The following GRM8 variants were observed in gnomAD, a reference collection of about 807,000 sequenced individuals.
The protein encoded by GRM8 is metabotropic glutamate receptor 8.
GRM8 carries 47 observed loss-of-function variants against 87.2 expected under a neutral mutation model. The observed-to-expected ratio is 0.54, with a 90% CI of 0.43 to 0.69. The LOEUF (loss-of-function observed/expected upper bound fraction) is 0.69, where lower values mean the gene tolerates loss of function less well. GRM8 is among the 30% of genes least tolerant of loss of function. GRM8 has a pLI of 0.00. For missense variants in GRM8, 1,019 were observed against 1,139.2 expected (o/e 0.89, Z 1.52); for synonymous variants, 396 against 404.5 (o/e 0.98, Z 0.25).
chr7:126,526,324 C>A (rs1008088466), intron 9 of GRM8, among the ~76,000 whole-genome samples: 26 of 152,138 alleles, frequency 1.7e-4, no homozygotes, highest in Admixed American at 1.6e-3. Context: ...TCACTGAAAT[C>A]TGAAAATATT....
At chr7:126,924,776 G>A (rs184229062) in intron 3 of GRM8, among the ~76,000 whole-genome samples, 3 of 152,208 alleles carry the variant, frequency 2.0e-5, no homozygotes, top group Admixed American at 1.3e-4. Flanking sequence ...GAGCCTCTCT[G>A]AGCTTATAAT....
intron 9 of GRM8, among the ~76,000 whole-genome samples, chr7:126,448,114 T>C (rs1393693607): frequency 1.3e-5 from 2 of 151,904 alleles, no homozygotes; most frequent in African/African-American, 2.4e-5. Context: ...AAAACCTACA[T>C]AGAAAATTGA....
At chr7:126,717,232 A>C (rs1354158979) in intron 7 of GRM8, among the ~76,000 whole-genome samples, 1 of 152,192 alleles carries the variant, frequency 6.6e-6, no homozygotes, top group Admixed American at 6.5e-5. Context: ...AAGAGAGAGA[A>C]AGTATGGACA....
intron 8 of GRM8, among the ~76,000 whole-genome samples, chr7:126,541,819 TA>T (rs1816575841): frequency 6.6e-6 from 1 of 152,026 alleles, no homozygotes; most frequent in African/African-American, 2.4e-5. Context: ...TTCTAATCAC[TA>T]AATACTTCGT....
chr7:126,710,081 A>G lies in GRM8; in HGVS notation c.1357+59784T>C, dbSNP rs758305766. 4.1e-4 allele frequency among the ~76,000 whole-genome samples: 62 copies of G among 152,228 alleles called. 1 individual carries two copies. Among genetic ancestry groups the G allele is most frequent in the Non-Finnish European group, 6.5e-4 (44 of 68,036 alleles). ...TTAGTTTTATACTCTATAATAGTCT[A>G]CTAAGTGTATAGCAGCATTATGTCT... is the stretch of plus-strand genomic sequence containing the variant. On this transcript the variant is annotated intron_variant, in intron 7 of 10. Coordinates refer to ENST00000339582, the MANE Select transcript of GRM8 (RefSeq NM_000845.3).
chr7:126,792,580 G>C (rs1204758607), intron 6 of GRM8, among the ~76,000 whole-genome samples: 1 of 152,138 alleles, frequency 6.6e-6, no homozygotes, highest in African/African-American at 2.4e-5. Flanking sequence ...TCTGAACTTG[G>C]TTGTCTCCCC....
chr7:127,228,672 A>C (rs551942304), intron 2 of GRM8: 1 of 152,318 alleles, frequency 6.6e-6, no homozygotes, highest in East Asian at 1.9e-4. Flanking sequence ...TTAAAAAAAA[A>C]ACTATTTAGT....
At chr7:126,861,574 AT>A (rs973836415) in intron 6 of GRM8, among the ~76,000 whole-genome samples, 6 of 149,368 alleles carry the variant, frequency 4.0e-5, no homozygotes, top group South Asian at 2.1e-4. Flanking sequence ...AGATATTTTC[AT>A]TTTTTTTTCT....
At chr7:127,239,290 C>A (rs1798154347) in intron 2 of GRM8, among the ~76,000 whole-genome samples, 1 of 152,178 alleles carries the variant, frequency 6.6e-6, no homozygotes, top group African/African-American at 2.4e-5. Flanking sequence ...ATTCTTAAAA[C>A]CCCAATTTAT....
intron 8 of GRM8, among the ~76,000 whole-genome samples, chr7:126,604,771 A>C (rs1382807047): frequency 6.6e-6 from 1 of 152,164 alleles, no homozygotes; most frequent in Non-Finnish European, 1.5e-5. Flanking sequence ...TTAGATGAGA[A>C]AACTGAGGCT....
chr7:126,605,302 G>A (rs1158931137), intron 8 of GRM8, among the ~76,000 whole-genome samples: 2 of 152,048 alleles, frequency 1.3e-5, no homozygotes, highest in African/African-American at 4.8e-5. Flanking sequence ...CCACTCTCAG[G>A]TAGACAATAC....
Position 127,132,246 on chromosome 7 carries a change from C to G in GRM8, c.511-25534G>C, listed in dbSNP as rs184530201. 7.3e-4 allele frequency among the ~76,000 whole-genome samples: 111 copies of G among 152,276 alleles called. 1 individual carries two copies. The highest frequency in any genetic ancestry group is 2.5e-3 in the African/African-American group (103 of 41,558). ...CACCCTTGTTCACTTTCAAAGTTGTCGGACAAATTTGAGATTCACACGCTA... is the reference window on the plus strand; with the variant it reads ...CACCCTTGTTCACTTTCAAAGTTGTGGGACAAATTTGAGATTCACACGCTA... On this transcript the variant is annotated intron_variant, in intron 2 of 10. Coordinates refer to ENST00000339582, the MANE Select transcript of GRM8 (RefSeq NM_000845.3).
Position 126,695,226 on chromosome 7 carries a change from C to T in GRM8, c.1357+74639G>A, listed in dbSNP as rs144561171. On this transcript the variant is annotated intron_variant, in intron 7 of 10. Transcript: ENST00000339582. ...TATTAAAACATTTTTAAAGGGAATT[C>T]TGTTATTATTATGAAGAAAATGAGA... 2.6e-5 allele frequency among the ~76,000 whole-genome samples: 4 copies of T among 152,184 alleles called. No homozygotes were observed. The South Asian group carries it at 8.3e-4, about 32-fold the overall frequency.
chr7:126,679,344 T>C (rs1475341767), intron 7 of GRM8, among the ~76,000 whole-genome samples: 2 of 152,230 alleles, frequency 1.3e-5, no homozygotes, highest in African/African-American at 4.8e-5. Flanking sequence ...AATTCATAAT[T>C]AAAAGCTAGA....
At chr7:126,970,090 T>C (rs1810266030) in intron 3 of GRM8, among the ~76,000 whole-genome samples, 1 of 152,136 alleles carries the variant, frequency 6.6e-6, no homozygotes. Flanking sequence ...CAAGTTTTAT[T>C]CTAATTATAG....
chr7:127,251,396 T>G (rs1798858566), intron 1 of GRM8, among the ~76,000 whole-genome samples: 1 of 152,140 alleles, frequency 6.6e-6, no homozygotes, highest in African/African-American at 2.4e-5. Context: ...GCTCAAGGGA[T>G]ATCCGAGCTT....
chr7:127,222,077 A>C lies in GRM8; in HGVS notation c.510+20618T>G, dbSNP rs573272881. ...CCCTTAATTTGCTTCTTAAATGGTG[A>C]AATCTCTTAAACAGAGAATGAGGGT... On this transcript the variant is annotated intron_variant, in intron 2 of 10. Coordinates refer to ENST00000339582, the MANE Select transcript of GRM8 (RefSeq NM_000845.3). 2.0e-5 allele frequency among the ~76,000 whole-genome samples: 3 copies of C among 152,350 alleles called. No individual in the cohort carries two copies. In the South Asian group the frequency reaches 6.2e-4, roughly 32 times the overall value.
chr7:126,848,166 G>A (rs1796879957), intron 6 of GRM8, among the ~76,000 whole-genome samples: 2 of 152,182 alleles, frequency 1.3e-5, no homozygotes, highest in African/African-American at 2.4e-5. Context: ...ATAAAGACGG[G>A]AAGAGGAACA....
intron 8 of GRM8, among the ~76,000 whole-genome samples, chr7:126,543,470 TG>T (rs1816770199): frequency 6.6e-6 from 1 of 152,216 alleles, no homozygotes; most frequent in South Asian, 2.1e-4. Context: ...TTTCCACCAC[TG>T]TGTTCCAGAT....
Sources: gnomAD v4.1 joint callset for allele counts (sites outside exome capture counted in the v4.1 genomes callset) on GRCh38, gnomAD v4.1.1 for gene constraint, MANE v1.5 for transcripts, NCBI Gene and HGNC (gene_info 2026-07-23, HGNC 2026-07-21) for gene names.